Variants in THEMIS observed in about 807,000 individuals in gnomAD.
The protein encoded by THEMIS is protein THEMIS.
In THEMIS, 37 loss-of-function variants were observed where a neutral mutation model predicts 52.6. That is an observed-to-expected ratio of 0.70 (90% CI 0.54 to 0.93). The LOEUF is 0.93. THEMIS is among the 40% of genes least tolerant of loss of function. The pLI is 0.00. For synonymous variants in THEMIS, 292 were observed against 272.7 expected, an observed-to-expected ratio of 1.07 and a Z score of -0.70; for missense variants, 808 against 763.1, an observed-to-expected ratio of 1.06 and a Z score of -0.69.
intron 4 of THEMIS, among the ~76,000 whole-genome samples, chr6:127,784,414 A>G (rs182819854): frequency 6.6e-6 from 1 of 152,190 alleles, no homozygotes; most frequent in Non-Finnish European, 1.5e-5. Context: ...TTTCCAGCAA[A>G]GTCCAGACTC....
intron 4 of THEMIS, among the ~76,000 whole-genome samples, chr6:127,766,636 T>C (rs1776209782): frequency 6.6e-6 from 1 of 152,216 alleles, no homozygotes; most frequent in East Asian, 1.9e-4. Flanking sequence ...TAGCCTATTG[T>C]TCCTGGGCTA....
intron 1 of THEMIS, among the ~76,000 whole-genome samples, chr6:127,893,964 GA>G (rs1056878520): frequency 1.1e-4 from 17 of 151,048 alleles, no homozygotes; most frequent in African/African-American, 3.2e-4. Context: ...AGAACCTAAA[GA>G]AAAAAAATCA....
intron 1 of THEMIS, among the ~76,000 whole-genome samples, chr6:127,872,392 T>C (rs927577014): frequency 3.9e-5 from 6 of 151,920 alleles, no homozygotes; most frequent in Non-Finnish European, 8.8e-5. Context: ...GCCAATATGG[T>C]GAAACTCCAT....
At chr6:127,786,949 C>A (rs143886373) in intron 4 of THEMIS, among the ~76,000 whole-genome samples, 1 of 152,066 alleles carries the variant, frequency 6.6e-6, no homozygotes, top group Non-Finnish European at 1.5e-5. Flanking sequence ...ACTTTGCAAC[C>A]ACCAAAGAGG....
At chr6:127,797,186 T>C (rs1043419993) in intron 4 of THEMIS, among the ~76,000 whole-genome samples, 4 of 152,176 alleles carry the variant, frequency 2.6e-5, no homozygotes, top group Admixed American at 2.6e-4. Flanking sequence ...TGGGAGAAAG[T>C]GGAATAAGAA....
chr6:127,709,785 A>G lies in THEMIS; in HGVS notation c.*200T>C. ...TGCCTACAGATTTAGACACAACAGAATAGACTATATGAATTCTATATCATA... is the reference window on the plus strand; with the variant it reads ...TGCCTACAGATTTAGACACAACAGAGTAGACTATATGAATTCTATATCATA... On this transcript the variant is annotated 3_prime_UTR_variant, in exon 6 of 6. Coordinates refer to ENST00000368248, the MANE Select transcript of THEMIS (RefSeq NM_001010923.3). 1.9e-6 allele frequency: 1 copy of G among 524,410 alleles called. No individual in the cohort carries two copies. The highest frequency in any genetic ancestry group is 3.3e-6 in the Non-Finnish European group (1 of 301,278). The allele number at this position is 524,410 out of a possible 1,614,324, so 32.5% of individuals were successfully genotyped here.
chr6:127,784,343 C>A (rs556170790), intron 4 of THEMIS, among the ~76,000 whole-genome samples: 1 of 152,012 alleles, frequency 6.6e-6, no homozygotes, highest in Non-Finnish European at 1.5e-5. Flanking sequence ...ATGTAACAAA[C>A]CTGCATGTTT....
In THEMIS at chr6:127,781,903, C is replaced by A. The variant is rs544741904; in HGVS notation, c.1758+30980G>T. ...ATCCACTTGAGGAGGCAGTCTGTCC[C>A]TTAGCAGAGCTGAAGCACTGTGTGG... On this transcript the variant is annotated intron_variant, in intron 4 of 5. Transcript: ENST00000368248. Among the ~76,000 whole-genome samples the A allele has an allele frequency of 3.3e-5, 5 of 152,296 alleles. 1 individual carries two copies. In the South Asian group the frequency reaches 1.0e-3, roughly 32 times the overall value.
chr6:127,866,489 A>G (rs552425728), intron 1 of THEMIS, among the ~76,000 whole-genome samples: 3 of 152,144 alleles, frequency 2.0e-5, no homozygotes, highest in South Asian at 2.1e-4. Context: ...AAGAATGACA[A>G]ATATTTTAAA....
chr6:127,771,092 C>T (rs6927863), intron 4 of THEMIS, among the ~76,000 whole-genome samples: 3,421 of 152,152 alleles, frequency 0.022, 142 homozygotes, highest in African/African-American at 0.079. Context: ...TACAAAATCA[C>T]TGCAAAAATC....
At chr6:127,840,298 A>C (rs1243061602) in intron 2 of THEMIS, among the ~76,000 whole-genome samples, 1 of 152,168 alleles carries the variant, frequency 6.6e-6, no homozygotes, top group African/African-American at 2.4e-5. Context: ...TGAATACATT[A>C]TGGAATATGC....
chr6:127,775,504 T>C (rs1776536017), intron 4 of THEMIS, among the ~76,000 whole-genome samples: 2 of 152,184 alleles, frequency 1.3e-5, no homozygotes, highest in Admixed American at 1.3e-4. Context: ...CACAATTTCC[T>C]GAAATCTCAA....
At chr6:127,783,885 G>A (rs886962996) in intron 4 of THEMIS, among the ~76,000 whole-genome samples, 23 of 152,028 alleles carry the variant, frequency 1.5e-4, no homozygotes, top group African/African-American at 3.1e-4. Flanking sequence ...CCCATTACTG[G>A]GTATATACCC....
chr6:127,863,175 G>A (rs1779862626), intron 1 of THEMIS, among the ~76,000 whole-genome samples: 1 of 152,178 alleles, frequency 6.6e-6, no homozygotes, highest in African/African-American at 2.4e-5. Context: ...CCCAATGGCA[G>A]TTATAAAATG....
At chr6:127,884,657 A>G (rs894614818) in intron 1 of THEMIS, among the ~76,000 whole-genome samples, 6 of 152,180 alleles carry the variant, frequency 3.9e-5, no homozygotes, top group African/African-American at 1.4e-4. Context: ...AATGTCTACT[A>G]CAATGGATGT....
At chr6:127,837,622 G>A (rs1461074944) in intron 2 of THEMIS, among the ~76,000 whole-genome samples, 2 of 151,450 alleles carry the variant, frequency 1.3e-5, no homozygotes, top group South Asian at 2.1e-4. Flanking sequence ...ATATATGTAT[G>A]CATATATATA....
At chr6:127,816,925 G>C (rs1006397364) in intron 3 of THEMIS, among the ~76,000 whole-genome samples, 3 of 152,122 alleles carry the variant, frequency 2.0e-5, no homozygotes, top group African/African-American at 7.2e-5. Context: ...ACTTCAGCCA[G>C]ATATGTTCAC....
intron 4 of THEMIS, among the ~76,000 whole-genome samples, chr6:127,796,875 T>G (rs796877104): frequency 2.6e-5 from 4 of 152,346 alleles, no homozygotes; most frequent in African/African-American, 9.6e-5. Flanking sequence ...TTTATATCCC[T>G]TCAAATCTCT....
intron 1 of THEMIS, among the ~76,000 whole-genome samples, chr6:127,906,598 C>T (rs1352621538): frequency 2.0e-5 from 3 of 151,104 alleles, no homozygotes; most frequent in Non-Finnish European, 4.4e-5. Context: ...ACTTTAATGA[C>T]CAAAAAAAGG....
Sources: allele counts gnomAD v4.1 joint callset (sites outside exome capture counted in the v4.1 genomes callset), GRCh38; gene constraint gnomAD v4.1.1; transcripts MANE v1.5; gene names NCBI Gene and HGNC (gene_info 2026-07-23, HGNC 2026-07-21).